Variants in ITGBL1 observed in about 807,000 individuals in gnomAD.
ITGBL1 encodes the protein integrin beta-like protein 1.
Under a neutral mutation model 68.5 loss-of-function variants are expected in ITGBL1, and 51 were observed. That is an observed-to-expected ratio of 0.74 (90% CI 0.59 to 0.94). The LOEUF is 0.94. ITGBL1 is among the 40% of genes least tolerant of loss of function. The probability of loss-of-function intolerance (pLI) is 0.00; values close to 1 mark genes in which losing one functional copy is unlikely to be tolerated. For missense variants in ITGBL1, 649 were observed against 647.4 expected (o/e 1.00, Z -0.03); for synonymous variants, 209 against 227.3 (o/e 0.92, Z 0.72).
intron 2 of ITGBL1, among the ~76,000 whole-genome samples, chr13:101,523,356 C>A (rs1288811288): frequency 1.3e-5 from 2 of 152,162 alleles, no homozygotes; most frequent in African/African-American, 2.4e-5. Flanking sequence ...TTGTGAGAGT[C>A]CGCCTCCAAG....
chr13:101,521,512 A>G (rs957927830), intron 2 of ITGBL1, among the ~76,000 whole-genome samples: 2 of 152,116 alleles, frequency 1.3e-5, no homozygotes, highest in African/African-American at 4.8e-5. Context: ...AACAAGACAG[A>G]GACCAGTGTG....
At chr13:101,705,919 G>C (rs972457910) in intron 8 of ITGBL1, among the ~76,000 whole-genome samples, 1 of 152,082 alleles carries the variant, frequency 6.6e-6, no homozygotes, top group Non-Finnish European at 1.5e-5. Context: ...GTAACTCTTC[G>C]CTAGGCAAAT....
chr13:101,697,990 T>TC (rs986869948), intron 8 of ITGBL1, among the ~76,000 whole-genome samples: 11 of 152,080 alleles, frequency 7.2e-5, no homozygotes, highest in East Asian at 3.9e-4. Flanking sequence ...AAGCAATTAG[T>TC]CCCCCCCATC....
chr13:101,667,851 C>A (rs866579591), intron 7 of ITGBL1, among the ~76,000 whole-genome samples: 4 of 149,848 alleles, frequency 2.7e-5, no homozygotes, highest in African/African-American at 9.9e-5. Flanking sequence ...TTAAGGAATT[C>A]TTTTCAAGTT....
At chr13:101,644,373 A>G (rs971950872) in intron 7 of ITGBL1, among the ~76,000 whole-genome samples, 3 of 152,202 alleles carry the variant, frequency 2.0e-5, no homozygotes, top group South Asian at 4.1e-4. Context: ...GGAAAGGACA[A>G]CAAGGAGTTC....
intron 2 of ITGBL1, among the ~76,000 whole-genome samples, chr13:101,482,304 A>G (rs1174796886): frequency 2.0e-5 from 3 of 148,904 alleles, no homozygotes; most frequent in Non-Finnish European, 3.0e-5. Context: ...TGCATGTTAA[A>G]AAGAAAAACA....
At chr13:101,547,940 CAT>C (rs1404106137) in intron 2 of ITGBL1, among the ~76,000 whole-genome samples, 3 of 151,092 alleles carry the variant, frequency 2.0e-5, no homozygotes, top group African/African-American at 4.8e-5. Flanking sequence ...TATATACACA[CAT>C]GTATATACAC....
rs909687771 is a variant in ITGBL1 at position 101,464,423 on chromosome 13, G to A, written c.316+10323G>A. On this transcript the variant is annotated intron_variant, in intron 2 of 10. Coordinates refer to ENST00000376180, the MANE Select transcript of ITGBL1 (RefSeq NM_004791.3). ...AGTGTTGATGTACTCAGATATTAAGGACACAGACATATATGCATGTGTCTG... is the reference window on the plus strand; with the variant it reads ...AGTGTTGATGTACTCAGATATTAAGAACACAGACATATATGCATGTGTCTG... Among the ~76,000 whole-genome samples, 5 of 151,944 alleles carry A rather than the reference G, an allele frequency of 3.3e-5. No homozygotes were observed. The East Asian group carries it at 7.8e-4, about 24-fold the overall frequency.
intron 7 of ITGBL1, among the ~76,000 whole-genome samples, chr13:101,604,874 A>ATATATATATATATG (rs2030614805): frequency 2.4e-5 from 1 of 42,044 alleles, no homozygotes; most frequent in Non-Finnish European, 5.0e-5. Context: ...ATATATATAT[A>ATATATATATATATG]TATATATATA....
chr13:101,570,751 C>A lies in ITGBL1; in HGVS notation c.463+2906C>A, dbSNP rs185156447. 2.4e-3 allele frequency among the ~76,000 whole-genome samples: 370 copies of A among 152,086 alleles called. 12 individuals carry two copies. The highest frequency in any genetic ancestry group is 0.023 in the Admixed American group (357 of 15,258). Reference sequence around the variant, plus strand: ...ATTTAGTCTATCCTGTTGGAAAGTCCCTAGTTATATAATTATAAGTTTGTT... The same window carrying A: ...ATTTAGTCTATCCTGTTGGAAAGTCACTAGTTATATAATTATAAGTTTGTT... On this transcript the variant is annotated intron_variant, in intron 3 of 10. Transcript: ENST00000376180.
rs1369412064 is a variant in ITGBL1, at chr13:101,540,267, A to G, written c.317-27432A>G. On this transcript the variant is annotated intron_variant, in intron 2 of 10. Coordinates refer to ENST00000376180, the MANE Select transcript of ITGBL1 (RefSeq NM_004791.3). Reference sequence around the variant, plus strand: ...AAGGGATCCAGTTTCAGCTTTCTACATATGGCTAGCCAGTTTTCCCAGCAC... The same window carrying G: ...AAGGGATCCAGTTTCAGCTTTCTACGTATGGCTAGCCAGTTTTCCCAGCAC... Among the ~76,000 whole-genome samples the G allele has an allele frequency of 2.0e-5, 3 of 152,198 alleles. No homozygotes were observed. In the East Asian group the frequency reaches 5.8e-4, roughly 29 times the overall value.
chr13:101,578,702 A>T (rs937050023), intron 4 of ITGBL1, among the ~76,000 whole-genome samples: 1 of 152,194 alleles, frequency 6.6e-6, no homozygotes, highest in Non-Finnish European at 1.5e-5. Flanking sequence ...TTGCGTGGCC[A>T]AGGGCCCATG....
At chr13:101,555,379 C>A (rs1056863834) in intron 2 of ITGBL1, among the ~76,000 whole-genome samples, 1 of 152,070 alleles carries the variant, frequency 6.6e-6, no homozygotes, top group African/African-American at 2.4e-5. Flanking sequence ...GTGTTTTCTT[C>A]TTGTATCCCA....
intron 7 of ITGBL1, among the ~76,000 whole-genome samples, chr13:101,611,626 C>G (rs2031131447): frequency 6.6e-6 from 1 of 151,574 alleles, no homozygotes; most frequent in African/African-American, 2.4e-5. Flanking sequence ...TGGGCAGACC[C>G]TGAGTTAGTC....
At chr13:101,680,830 C>T (rs955062000) in intron 7 of ITGBL1, among the ~76,000 whole-genome samples, 1 of 152,068 alleles carries the variant, frequency 6.6e-6, no homozygotes, top group African/African-American at 2.4e-5. Context: ...TGTGTATGCA[C>T]CAAGATTAAA....
chr13:101,634,941 GGTGTGTGTGTGTGTGT>G (rs59309809), intron 7 of ITGBL1, among the ~76,000 whole-genome samples: 2 of 145,808 alleles, frequency 1.4e-5, no homozygotes, highest in Non-Finnish European at 3.0e-5. Flanking sequence ...ATAAGCAAAA[GGTGTGTGTGTGTGTGT>G]GTGTGTGTGT....
chr13:101,664,031 G>A (rs1363598555), intron 7 of ITGBL1, among the ~76,000 whole-genome samples: 1 of 152,160 alleles, frequency 6.6e-6, no homozygotes, highest in Non-Finnish European at 1.5e-5. Context: ...CATGCAGATT[G>A]AGTGTAATCA....
At chr13:101,474,420 G>A (rs2048506422) in intron 2 of ITGBL1, among the ~76,000 whole-genome samples, 1 of 152,170 alleles carries the variant, frequency 6.6e-6, no homozygotes. Flanking sequence ...GCACTAAGTA[G>A]ATTATTAAGT....
At chr13:101,505,745 C>T (rs1410148280) in intron 2 of ITGBL1, among the ~76,000 whole-genome samples, 2 of 149,516 alleles carry the variant, frequency 1.3e-5, no homozygotes, top group Non-Finnish European at 3.0e-5. Flanking sequence ...CATCAATAGT[C>T]GATGTTCCCT....
Sources: gnomAD v4.1 joint callset for allele counts (sites outside exome capture counted in the v4.1 genomes callset) on GRCh38, gnomAD v4.1.1 for gene constraint, MANE v1.5 for transcripts, NCBI Gene and HGNC (gene_info 2026-07-23, HGNC 2026-07-21) for gene names.